The following NUDT4 variants were observed in gnomAD, a reference collection of about 807,000 sequenced individuals.
NUDT4 encodes the protein diphosphoinositol polyphosphate phosphohydrolase 2.
NUDT4 carries 5 observed loss-of-function variants against 23.1 expected under a neutral mutation model. The ratio of observed to expected loss-of-function variants is 0.22; its 90% CI spans 0.11 to 0.46. The LOEUF is 0.46. Ranked by LOEUF, NUDT4 falls within the 20% of genes least tolerant of loss-of-function variation. The probability of loss-of-function intolerance (pLI) is 0.99; values close to 1 mark genes in which losing one functional copy is unlikely to be tolerated. For synonymous variants in NUDT4, 50 were observed against 79.0 expected (o/e 0.63, Z 1.95); for missense variants, 96 against 211.6 (o/e 0.45, Z 3.39).
chr12:93,378,457 C>T (rs1427629417), intron 1 of NUDT4, 36 bp downstream of exon 1: 4 of 1,519,422 alleles, frequency 2.6e-6, no homozygotes, highest in African/African-American at 1.4e-5. Context: ...CCCTCCGGGG[C>T]GCCGGGGTCT....
chr12:93,402,620 T>C lies in NUDT4; in HGVS notation c.*3241T>C, dbSNP rs1877540769. ...TAAAAGGAAATGCTTACCACTAAGA[T>C]GTCAGTATTCTCCTCATGGATATTT... On this transcript the variant is annotated 3_prime_UTR_variant, in exon 5 of 5. Coordinates refer to ENST00000415493, the MANE Select transcript of NUDT4 (RefSeq NM_019094.6). The C allele has an allele frequency of 6.6e-6, 1 of 152,190 alleles. No homozygotes were observed. Among genetic ancestry groups the C allele is most frequent in the Non-Finnish European group, 1.5e-5 (1 of 68,052 alleles). 9.4% of individuals were successfully genotyped at this position (152,190 alleles called of 1,614,324 possible).
intron 1 of NUDT4, among the ~76,000 whole-genome samples, chr12:93,379,675 G>A (rs1331746079): frequency 6.6e-6 from 1 of 152,144 alleles, no homozygotes; most frequent in Non-Finnish European, 1.5e-5. Context: ...AAACGAGTGT[G>A]CAGAGAAATA....
rs11307761 is a variant in NUDT4, at chr12:93,403,032, ATTT to A, written c.*3666_*3668del. The A allele has an allele frequency of 6.2e-5, 9 of 144,002 alleles. No individual in the cohort carries two copies. Among genetic ancestry groups the A allele is most frequent in the Non-Finnish European group, 9.1e-5 (6 of 65,596 alleles). 8.9% of individuals were successfully genotyped at this position (144,002 alleles called of 1,614,324 possible). A position where few individuals can be genotyped will look rare whatever the true frequency, so the allele number is the denominator to read the frequency against. ...TAAGAATTCTCTATAGGACTCTTTA[ATTT>A]TTTTTTTTTTTTGGTAGAGATGGGG... On this transcript the variant is annotated 3_prime_UTR_variant, in exon 5 of 5. Transcript: ENST00000415493.
rs1877658196 is a variant in NUDT4 at position 93,404,092 on chromosome 12, ATT to A, written c.*4716_*4717del. The A allele has an allele frequency of 1.3e-5, 2 of 152,170 alleles. No homozygotes were observed. Among genetic ancestry groups the A allele is most frequent in the South Asian group, 4.1e-4 (2 of 4,822 alleles). The allele number at this position is 152,170 out of a possible 1,614,324, so 9.4% of individuals were successfully genotyped here. The stretch of plus-strand genomic sequence containing the variant: ...AATCAGTATCAGACAATGGAAGTAA[ATT>A]TTCCTGCTTTTCTCAACTTTTCCTC... On this transcript the variant is annotated 3_prime_UTR_variant, in exon 5 of 5. Coordinates refer to ENST00000415493, the MANE Select transcript of NUDT4 (RefSeq NM_019094.6).
chr12:93,386,518 T>G (rs12422739), intron 1 of NUDT4, among the ~76,000 whole-genome samples: 24,969 of 151,560 alleles, frequency 0.16, 2,388 homozygotes, highest in African/African-American at 0.23. Context: ...AGGCAAAGGT[T>G]GCAGTGAGCC....
intron 1 of NUDT4, among the ~76,000 whole-genome samples, chr12:93,379,482 G>A (rs529795418): frequency 4.3e-4 from 66 of 152,304 alleles, no homozygotes; most frequent in Non-Finnish European, 5.9e-5. Flanking sequence ...AGTCCCTGTA[G>A]TTGTGATGAA....
intron 2 of NUDT4, 114 bp from the exon 3 acceptor site, chr12:93,395,374 TG>T: frequency 1.4e-6 from 1 of 733,912 alleles, no homozygotes; most frequent in Non-Finnish European, 2.4e-6. Flanking sequence ...TGAGTTGGTA[TG>T]GGGAGGGGTA....
At chr12:93,379,430 G>A (rs186759229) in intron 1 of NUDT4, among the ~76,000 whole-genome samples, 236 of 152,272 alleles carry the variant, frequency 1.5e-3, no homozygotes, top group Non-Finnish European at 2.5e-3. Flanking sequence ...TAAAATACTA[G>A]GCTAAGGCTG....
chr12:93,385,950 TATATA>T (rs1876047919), intron 1 of NUDT4, among the ~76,000 whole-genome samples: 2 of 134,090 alleles, frequency 1.5e-5, no homozygotes, highest in African/African-American at 5.5e-5. Context: ...TTTATATATA[TATATA>T]TATATATATA....
chr12:93,385,222 T>C (rs1480199649), intron 1 of NUDT4: 1 of 152,114 alleles, frequency 6.6e-6, no homozygotes, highest in African/African-American at 2.4e-5. Context: ...TAAGATTTAG[T>C]AGAGTAGTAG....
In NUDT4 at chr12:93,381,674, T is replaced by C. The variant is rs373277882; in HGVS notation, c.99+3253T>C. On this transcript the variant is annotated intron_variant, in intron 1 of 4. Coordinates refer to ENST00000415493, the MANE Select transcript of NUDT4 (RefSeq NM_019094.6). ...CCAGGCGTCCCAAATAGAGCAAGACTTGGGGCTGTGATAGATTTGGCTGCA... is the reference window on the plus strand; with the variant it reads ...CCAGGCGTCCCAAATAGAGCAAGACCTGGGGCTGTGATAGATTTGGCTGCA... Among the ~76,000 whole-genome samples the C allele has an allele frequency of 3.0e-4, 45 of 152,298 alleles. No individual in the cohort carries two copies. The East Asian group carries it at 6.8e-3, about 23-fold the overall frequency.
rs1877133496 is a variant in NUDT4 at position 93,398,807 on chromosome 12, C to T, written c.292C>T (p.Leu98=). The change falls in exon 4 of 5, where the codon CTA becomes TTA. Residue 98 remains leucine, a synonymous_variant. Transcript: ENST00000415493. ...AAAGCACAGAACATATGTTTATGTTCTAACAGTCACTGAAATATTAGAAGA... is the reference window on the plus strand; with the variant it reads ...AAAGCACAGAACATATGTTTATGTTTTAACAGTCACTGAAATATTAGAAGA... ...DRKHRTYVYV[L]TVTEILEDWE... is the part of the protein sequence containing the mutation. 1 of 1,606,290 alleles carries T rather than the reference C, an allele frequency of 6.2e-7. No homozygotes were observed. Among genetic ancestry groups the T allele is most frequent in the Admixed American group, 1.7e-5 (1 of 59,704 alleles).
chr12:93,398,987 ATTT>A, intron 4 of NUDT4, 132 bp downstream of exon 4: 6 of 680,396 alleles, frequency 8.8e-6, no homozygotes, highest in South Asian at 2.1e-5. Flanking sequence ...TCCATCCTAG[ATTT>A]TTTTTTTTTT....
intron 1 of NUDT4, among the ~76,000 whole-genome samples, chr12:93,391,564 CAAA>C (rs35273143): frequency 2.6e-5 from 3 of 116,258 alleles, no homozygotes; most frequent in Non-Finnish European, 1.9e-5. Context: ...GACTCCATTT[CAAA>C]AAAAAAAAAA....
chr12:93,386,092 C>T (rs1323040029), intron 1 of NUDT4, among the ~76,000 whole-genome samples: 1 of 151,530 alleles, frequency 6.6e-6, no homozygotes, highest in East Asian at 1.9e-4. Flanking sequence ...TCTCCCACCT[C>T]AGCCCCCCGA....
intron 1 of NUDT4, among the ~76,000 whole-genome samples, chr12:93,381,310 G>A (rs964581356): frequency 2.6e-5 from 4 of 152,152 alleles, no homozygotes; most frequent in Non-Finnish European, 5.9e-5. Context: ...TTTCTGTGGG[G>A]AAGCACCCTC....
At chr12:93,398,722 A>T (rs750863563) in intron 3 of NUDT4, 49 bp from the exon 4 acceptor site, 1 of 1,318,902 alleles carries the variant, frequency 7.6e-7, no homozygotes, top group African/African-American at 1.5e-5. Context: ...AAATGTGTCC[A>T]TGGCTAGCTC....
intron 1 of NUDT4, chr12:93,380,909 A>G (rs1177641095): frequency 6.6e-6 from 1 of 152,188 alleles, no homozygotes. Context: ...ATTTAAATGT[A>G]TGTTTTGTTT....
Position 93,402,974 on chromosome 12 carries a change from G to A in NUDT4, c.*3595G>A, listed in dbSNP as rs1877574737. On this transcript the variant is annotated 3_prime_UTR_variant, in exon 5 of 5. Coordinates refer to ENST00000415493, the MANE Select transcript of NUDT4 (RefSeq NM_019094.6). The stretch of plus-strand genomic sequence containing the variant: ...CTTAGTTGGAGGGCATGAGAAACTT[G>A]GCCCTTTCCAATGTTGTCTTCACAT... The A allele has an allele frequency of 6.6e-6, 1 of 151,642 alleles. No homozygotes were observed. Among genetic ancestry groups the A allele is most frequent in the African/African-American group, 2.4e-5 (1 of 41,278 alleles). The allele number at this position is 151,642 out of a possible 1,614,324, so 9.4% of individuals were successfully genotyped here. A position where few individuals can be genotyped will look rare whatever the true frequency, so the allele number is the denominator to read the frequency against.
Sources: allele counts gnomAD v4.1 joint callset (sites outside exome capture counted in the v4.1 genomes callset), GRCh38; gene constraint gnomAD v4.1.1; transcripts MANE v1.5; gene names NCBI Gene and HGNC (gene_info 2026-07-23, HGNC 2026-07-21).